CCDC77: variants seen among roughly 807,000 people sequenced by gnomAD.
The protein encoded by CCDC77 is coiled-coil domain-containing protein 77.
Under a neutral mutation model 66.8 loss-of-function variants are expected in CCDC77, and 56 were observed. The ratio of observed to expected loss-of-function variants is 0.84; its 90% CI spans 0.68 to 1.05. The LOEUF is 1.05. Ranked by LOEUF, CCDC77 falls within the 50% of genes least tolerant of loss-of-function variation. CCDC77 has a pLI of 0.00. For missense variants in CCDC77, 570 were observed against 576.8 expected, an observed-to-expected ratio of 0.99 and a Z score of 0.12; for synonymous variants, 196 against 195.2, an observed-to-expected ratio of 1.00 and a Z score of -0.03.
rs1187315510 is a variant in CCDC77, at chr12:426,012, C to T, written c.414-2757C>T. Among the ~76,000 whole-genome samples, 3 of 152,136 alleles carry T rather than the reference C, an allele frequency of 2.0e-5. 1 individual carries two copies. Among genetic ancestry groups the T allele is most frequent in the Admixed American group, 1.3e-4 (2 of 15,262 alleles). On this transcript the variant is annotated intron_variant, in intron 5 of 12. Transcript: ENST00000239830. ...CCCGAGTAGCTGGGACTACAGCGCA[C>T]GCTATCACGCCCAGCTAATTTTTGT...
intron 1 of CCDC77, among the ~76,000 whole-genome samples, chr12:391,378 C>G (rs1205609031): frequency 6.6e-6 from 1 of 151,944 alleles, no homozygotes; most frequent in Admixed American, 6.6e-5. Flanking sequence ...TTGCTTGAAC[C>G]CAGGAGGTGG....
intron 3 of CCDC77, 108 bp from the exon 4 acceptor site, chr12:411,639 C>A: frequency 1.1e-6 from 1 of 916,588 alleles, no homozygotes; most frequent in Non-Finnish European, 1.6e-6. Context: ...TTTATGAGCA[C>A]CTTAATTATA....
At chr12:430,027 C>G (rs1200832573) in intron 6 of CCDC77, among the ~76,000 whole-genome samples, 1 of 152,056 alleles carries the variant, frequency 6.6e-6, no homozygotes, top group Non-Finnish European at 1.5e-5. Flanking sequence ...GAGTTTCGCT[C>G]TTGTACACCA....
rs1192173866 is a variant in CCDC77 at position 442,628 on chromosome 12, A to G, written c.*708A>G. ...TTTTAAATTAACTATTTTCAATAAA[A>G]TATTTCACTCAAAAGATTTTCTTTG... On this transcript the variant is annotated 3_prime_UTR_variant, in exon 13 of 13. Transcript: ENST00000239830. 2 of 152,224 alleles carry G rather than the reference A, an allele frequency of 1.3e-5. No individual in the cohort carries two copies. The highest frequency in any genetic ancestry group is 1.9e-4 in the East Asian group (1 of 5,202). 9.4% of individuals were successfully genotyped at this position (152,224 alleles called of 1,614,324 possible).
chr12:428,703 A>C (rs757687713), intron 5 of CCDC77, 66 bp from the exon 6 acceptor site: 2 of 1,077,542 alleles, frequency 1.9e-6, no homozygotes, highest in Non-Finnish European at 2.7e-6. Context: ...GAGATCCTTT[A>C]AACAGAAAAA....
At position 423,470 on chromosome 12, in the gene CCDC77, G is replaced by GTGT. The variant is rs1565572116; in HGVS notation, c.413+4835_413+4836insGTT. 7.4e-4 allele frequency among the ~76,000 whole-genome samples: 33 copies of GTGT among 44,876 alleles called. 6 individuals carry two copies. The highest frequency in any genetic ancestry group is 5.7e-3 in the East Asian group (5 of 880). The allele number at this position is 44,876 out of a possible 152,430, so 29.4% of individuals were successfully genotyped here. Reference sequence around the variant, plus strand: ...TTGTTATTTTCTGGGTGTTTTTTGTGTTTTTTGTGTTTTTTTTTGTTTTGT... The same window carrying GTGT: ...TTGTTATTTTCTGGGTGTTTTTTGTGTGTTTTTTTGTGTTTTTTTTTGTTTTGT... On this transcript the variant is annotated intron_variant, in intron 5 of 12. Coordinates refer to ENST00000239830, the MANE Select transcript of CCDC77 (RefSeq NM_032358.4).
intron 5 of CCDC77, among the ~76,000 whole-genome samples, chr12:426,990 A>T (rs1945544629): frequency 6.6e-6 from 1 of 152,152 alleles, no homozygotes; most frequent in East Asian, 1.9e-4. Context: ...TGGGGCTGGT[A>T]ATCCCAGCAC....
chr12:398,443 CTT>C (rs35850472), upstream of CCDC77, among the ~76,000 whole-genome samples: 169 of 145,938 alleles, frequency 1.2e-3, no homozygotes, highest in Admixed American at 2.1e-3. Flanking sequence ...TCAGGTTCCA[CTT>C]TTTTTTTTTT....
At position 411,672 on chromosome 12, in the gene CCDC77, C is replaced by G. The variant is rs753250167; in HGVS notation, c.39-75C>G. On this transcript the variant is annotated intron_variant, in intron 3 of 12. Coordinates refer to ENST00000239830, the MANE Select transcript of CCDC77 (RefSeq NM_032358.4). ...ATAAGCACTTTGGGAACACAAAACC[C>G]CCTTTTATTTAGGAAGTTATAACTC... The G allele has an allele frequency of 3.9e-5, 48 of 1,224,690 alleles. 1 individual carries two copies. Among genetic ancestry groups the G allele is most frequent in the Admixed American group, 3.6e-4 (14 of 39,026 alleles). The allele number at this position is 1,224,690 out of a possible 1,614,324, so 75.9% of individuals were successfully genotyped here.
At chr12:441,054 G>T in intron 12 of CCDC77, 58 bp downstream of exon 12, 2 of 1,551,190 alleles carry the variant, frequency 1.3e-6, no homozygotes, top group South Asian at 1.1e-5. Context: ...GAGGGAACAT[G>T]GTCACGAGGG....
At chr12:412,084 C>G in intron 4 of CCDC77, 106 bp downstream of exon 4, 1 of 850,304 alleles carries the variant, frequency 1.2e-6, no homozygotes, top group Non-Finnish European at 1.8e-6. Context: ...TATAAAAATA[C>G]TCCTTTTTTA....
At position 423,470 on chromosome 12, in the gene CCDC77, GTTTTTTGTGTTTTTTTTTGTTTTGTTTTT is replaced by G. The variant is rs1748060223; in HGVS notation, c.413+4841_413+4869del. On this transcript the variant is annotated intron_variant, in intron 5 of 12. Coordinates refer to ENST00000239830, the MANE Select transcript of CCDC77 (RefSeq NM_032358.4). ...TTGTTATTTTCTGGGTGTTTTTTGTGTTTTTTGTGTTTTTTTTTGTTTTGTTTTTTTTTTTTTTTTTTTGAGACAGGGTC... is the reference window on the plus strand; with the variant it reads ...TTGTTATTTTCTGGGTGTTTTTTGTGTTTTTTTTTTTTTTGAGACAGGGTC... 8.9e-5 allele frequency among the ~76,000 whole-genome samples: 4 copies of G among 44,876 alleles called. 1 individual carries two copies. Among genetic ancestry groups the G allele is most frequent in the South Asian group, 9.8e-4 (1 of 1,022 alleles). The allele number at this position is 44,876 out of a possible 152,430, so 29.4% of individuals were successfully genotyped here.
At chr12:428,923 C>A in intron 6 of CCDC77, 58 bp downstream of exon 6, 1 of 1,068,340 alleles carries the variant, frequency 9.4e-7, no homozygotes, top group Non-Finnish European at 1.4e-6. Flanking sequence ...AGGCTAAGGC[C>A]CATCATCAGA....
rs199712503 is a variant in CCDC77 at position 415,433 on chromosome 12, CATAATA to C, written c.271-3057_271-3052del. On this transcript the variant is annotated intron_variant, in intron 4 of 12. Coordinates refer to ENST00000239830, the MANE Select transcript of CCDC77 (RefSeq NM_032358.4). ...ATGTTGATATTATTAACATAATTAA[CATAATA>C]ATATGTTAATATTAACATAATTATT... Among the ~76,000 whole-genome samples the C allele has an allele frequency of 4.5e-4, 55 of 122,992 alleles. 1 individual carries two copies. In the South Asian group the frequency reaches 0.012, roughly 26 times the overall value. 80.7% of individuals were successfully genotyped at this position (122,992 alleles called of 152,430 possible). A position where few individuals can be genotyped will look rare whatever the true frequency, so the allele number is the denominator to read the frequency against.
chr12:409,693 C>A, intron 3 of CCDC77: 1 of 356,936 alleles, frequency 2.8e-6, no homozygotes, highest in Non-Finnish European at 5.1e-6. Context: ...GAGACATCCC[C>A]TTTAGAAAAT....
At chr12:400,862 C>T (rs182133739), upstream of CCDC77, among the ~76,000 whole-genome samples, 1 of 152,210 alleles carries the variant, frequency 6.6e-6, no homozygotes, top group East Asian at 1.9e-4. Context: ...TGCAGAGTTG[C>T]CACAAACCTT....
chr12:428,504 C>A (rs1309855451), intron 5 of CCDC77, among the ~76,000 whole-genome samples: 1 of 86,910 alleles, frequency 1.2e-5, no homozygotes, highest in African/African-American at 5.8e-5. Context: ...GAGCGAGACT[C>A]TGTCTCAAAA....
chr12:410,454 G>A (rs935600226), intron 3 of CCDC77, among the ~76,000 whole-genome samples: 1 of 150,760 alleles, frequency 6.6e-6, no homozygotes, highest in Non-Finnish European at 1.5e-5. Flanking sequence ...TTTCGGTAGA[G>A]ACTAGGTTTT....
chr12:441,087 G>A, intron 12 of CCDC77, 91 bp downstream of exon 12: 1 of 1,349,136 alleles, frequency 7.4e-7, no homozygotes, highest in Non-Finnish European at 1.0e-6. Context: ...AGGATGTGCT[G>A]TTTCCCTGCT....
Sources: allele counts gnomAD v4.1 joint callset (sites outside exome capture counted in the v4.1 genomes callset), GRCh38; gene constraint gnomAD v4.1.1; transcripts MANE v1.5; gene names NCBI Gene and HGNC (gene_info 2026-07-23, HGNC 2026-07-21).